CNTNAP2: variants seen among roughly 807,000 people sequenced by gnomAD.
The protein encoded by CNTNAP2 is contactin associated protein 2, also known as contactin-associated protein-like 2.
In CNTNAP2, 98 loss-of-function variants were observed where a neutral mutation model predicts 155.2. The ratio of observed to expected loss-of-function variants is 0.63; its 90% confidence interval spans 0.54 to 0.75. CNTNAP2 has a LOEUF of 0.75. Among genes scored for constraint, CNTNAP2 ranks in the 30% least tolerant of loss-of-function variants. The pLI, the probability that CNTNAP2 is intolerant of heterozygous loss-of-function variation, is 0.00. For synonymous variants in CNTNAP2, 651 were observed against 631.2 expected (o/e 1.03, Z -0.47); for missense variants, 1,727 against 1,688.1 (o/e 1.02, Z -0.40).
chr7:147,568,722 T>C (rs1001101197), intron 12 of CNTNAP2, among the ~76,000 whole-genome samples: 2 of 152,156 alleles, frequency 1.3e-5, no homozygotes, highest in Non-Finnish European at 2.9e-5. Flanking sequence ...AGCTTTTCAT[T>C]TCCATTTTCT....
chr7:147,711,871 T>C (rs1042264083), intron 13 of CNTNAP2, among the ~76,000 whole-genome samples: 1 of 152,180 alleles, frequency 6.6e-6, no homozygotes, highest in South Asian at 2.1e-4. Context: ...GGACACTACT[T>C]CAGAATAATC....
chr7:146,933,462 T>A (rs1419788708), intron 3 of CNTNAP2, among the ~76,000 whole-genome samples: 94 of 151,460 alleles, frequency 6.2e-4, no homozygotes, highest in Non-Finnish European at 1.0e-3. Context: ...GACTTAAATG[T>A]TAGACCTAAA....
intron 1 of CNTNAP2, among the ~76,000 whole-genome samples, chr7:146,349,875 G>A (rs890783028): frequency 4.6e-5 from 7 of 152,040 alleles, no homozygotes; most frequent in African/African-American, 9.7e-5. Flanking sequence ...CAGGTAACCC[G>A]ACCTTTCTCT....
chr7:148,290,788 T>G (rs1585246539), intron 21 of CNTNAP2, among the ~76,000 whole-genome samples: 1 of 152,220 alleles, frequency 6.6e-6, no homozygotes, highest in East Asian at 1.9e-4. Context: ...AGCCCTTCCC[T>G]GGTGCTATTC....
chr7:148,341,851 C>T (rs751732246), intron 21 of CNTNAP2, among the ~76,000 whole-genome samples: 1 of 152,140 alleles, frequency 6.6e-6, no homozygotes, highest in Non-Finnish European at 1.5e-5. Flanking sequence ...AACCATACTC[C>T]ACATTTGACC....
chr7:146,930,575 A>T (rs1369190521), intron 3 of CNTNAP2, among the ~76,000 whole-genome samples: 1 of 152,228 alleles, frequency 6.6e-6, no homozygotes, highest in Non-Finnish European at 1.5e-5. Flanking sequence ...GATGAAATTC[A>T]CGCATAACAA....
chr7:147,014,033 T>G (rs1341917524), intron 3 of CNTNAP2, among the ~76,000 whole-genome samples: 3 of 152,190 alleles, frequency 2.0e-5, no homozygotes, highest in Non-Finnish European at 4.4e-5. Flanking sequence ...GAAAAAGGGA[T>G]GTTTGTGGCA....
At chr7:147,962,285 G>A (rs1332517575) in intron 14 of CNTNAP2, among the ~76,000 whole-genome samples, 1 of 152,178 alleles carries the variant, frequency 6.6e-6, no homozygotes. Context: ...TTCATACTCG[G>A]ATATAGTTAG....
chr7:147,612,959 T>C (rs896063687), intron 12 of CNTNAP2, among the ~76,000 whole-genome samples: 3 of 152,234 alleles, frequency 2.0e-5, no homozygotes, highest in African/African-American at 7.2e-5. Context: ...TGGCCTTTTA[T>C]GTTGTTTTTA....
intron 1 of CNTNAP2, among the ~76,000 whole-genome samples, chr7:146,706,106 G>C (rs1800960935): frequency 6.6e-6 from 1 of 150,670 alleles, no homozygotes; most frequent in Non-Finnish European, 1.5e-5. Context: ...ACCCCTACCA[G>C]TCATGACAAT....
intron 13 of CNTNAP2, among the ~76,000 whole-genome samples, chr7:147,687,453 A>C (rs1030660124): frequency 6.6e-6 from 1 of 152,102 alleles, no homozygotes; most frequent in Non-Finnish European, 1.5e-5. Context: ...AGAATGAGAA[A>C]GTGTAGAAGC....
At chr7:146,205,015 A>G (rs75811582) in intron 1 of CNTNAP2, among the ~76,000 whole-genome samples, 19,664 of 152,066 alleles carry the variant, frequency 0.13, 1,593 homozygotes, top group Middle Eastern at 0.19. Context: ...AGTGTCCTCC[A>G]TAACTGGAGA....
At chr7:146,215,115 A>G (rs969801692) in intron 1 of CNTNAP2, among the ~76,000 whole-genome samples, 1 of 152,258 alleles carries the variant, frequency 6.6e-6, no homozygotes, top group Non-Finnish European at 1.5e-5. Context: ...ATTTTTAGCT[A>G]TAAATGCATA....
chr7:146,414,636 G>C (rs753889414), intron 1 of CNTNAP2, among the ~76,000 whole-genome samples: 10 of 152,102 alleles, frequency 6.6e-5, no homozygotes, highest in Middle Eastern at 6.8e-3. Flanking sequence ...ATCTATAAGG[G>C]GTGACTGAAG....
intron 13 of CNTNAP2, among the ~76,000 whole-genome samples, chr7:147,859,958 G>A (rs1047005214): frequency 1.3e-5 from 2 of 152,120 alleles, no homozygotes; most frequent in African/African-American, 4.8e-5. Context: ...TAAAAAAGGT[G>A]GCTTTAATAT....
At chr7:147,706,419 T>C (rs1236990630) in intron 13 of CNTNAP2, among the ~76,000 whole-genome samples, 2 of 149,966 alleles carry the variant, frequency 1.3e-5, no homozygotes, top group African/African-American at 4.9e-5. Context: ...TTGGGTGGCA[T>C]TTTTTTTTTC....
At chr7:146,537,694 T>C (rs1403504805) in intron 1 of CNTNAP2, among the ~76,000 whole-genome samples, 1 of 152,060 alleles carries the variant, frequency 6.6e-6, no homozygotes, top group Admixed American at 6.6e-5. Flanking sequence ...CTAAGCCTTA[T>C]TGTTCCCTGG....
chr7:146,893,812 A>G (rs1264073048), intron 3 of CNTNAP2, among the ~76,000 whole-genome samples: 1 of 152,154 alleles, frequency 6.6e-6, no homozygotes, highest in African/African-American at 2.4e-5. Flanking sequence ...ATAATCCACT[A>G]AGCGCACATC....
rs184004368 is a variant in CNTNAP2, at chr7:147,875,720, T to C, written c.2099-27845T>C. On this transcript the variant is annotated intron_variant, in intron 13 of 23. Coordinates refer to ENST00000361727, the MANE Select transcript of CNTNAP2 (RefSeq NM_014141.6). ...CAGCCTGGGCAACATAGTGAGACTC[T>C]GTCTCTACAAAAATAATAAAAATAA... Among the ~76,000 whole-genome samples the C allele has an allele frequency of 2.2e-3, 338 of 152,278 alleles. 2 individuals are homozygous for C. Among genetic ancestry groups the C allele is most frequent in the African/African-American group, 7.8e-3 (326 of 41,550 alleles).
Sources: gnomAD v4.1 joint callset for allele counts (sites outside exome capture counted in the v4.1 genomes callset) on GRCh38, gnomAD v4.1.1 for gene constraint, MANE v1.5 for transcripts, NCBI Gene and HGNC (gene_info 2026-07-23, HGNC 2026-07-21) for gene names.